Variants in KIF27 observed in about 807,000 individuals in gnomAD.
KIF27 encodes the protein kinesin family member 27.
Under a neutral mutation model 141.8 loss-of-function variants are expected in KIF27, and 84 were observed. The ratio of observed to expected loss-of-function variants is 0.59; its 90% CI spans 0.50 to 0.71. The LOEUF (loss-of-function observed/expected upper bound fraction) is 0.71. Ranked by LOEUF, KIF27 falls within the 30% of genes least tolerant of loss-of-function variation. The pLI, the probability that KIF27 is intolerant of heterozygous loss-of-function variation, is 0.00. For missense variants in KIF27, 1,306 were observed against 1,628.4 expected (o/e 0.80, Z 3.41); for synonymous variants, 471 against 569.5 (o/e 0.83, Z 2.46).
At chr9:83,886,249 G>T (rs560397604) in intron 9 of KIF27, among the ~76,000 whole-genome samples, 5 of 152,090 alleles carry the variant, frequency 3.3e-5, no homozygotes, top group Non-Finnish European at 7.4e-5. Flanking sequence ...TTTCAGAAAG[G>T]TTATCTTACT....
intron 7 of KIF27, 69 bp from the exon 8 acceptor site, chr9:83,888,661 C>T (rs1218770818): frequency 6.9e-6 from 6 of 869,406 alleles, no homozygotes; most frequent in African/African-American, 5.3e-5. Flanking sequence ...TTAGTTTCCC[C>T]GAAAAGTGAA....
chr9:83,909,854 G>C (rs1346376636), intron 2 of KIF27, among the ~76,000 whole-genome samples: 3 of 152,050 alleles, frequency 2.0e-5, no homozygotes, highest in African/African-American at 4.8e-5. Context: ...CTTGAGCTAA[G>C]AAGTTTGAGA....
chr9:83,883,938 C>CA lies in KIF27; in HGVS notation c.2319_2320insT (p.Glu774Ter). The CA allele has an allele frequency of 6.2e-7, 1 of 1,613,544 alleles. No individual in the cohort carries two copies. The highest frequency in any genetic ancestry group is 8.5e-7 in the Non-Finnish European group (1 of 1,179,652). On this transcript the variant is annotated frameshift_variant, in exon 10 of 18. Transcript: ENST00000297814. LOFTEE classifies it high-confidence loss of function. Reference sequence around the variant, plus strand: ...AGCTGCTTTTGTGTTTCAATCAGTTCGACTTTTGCCTGTTCTGCATCATGC... The same window carrying CA: ...AGCTGCTTTTGTGTTTCAATCAGTTCAGACTTTTGCCTGTTCTGCATCATGC...
Position 83,867,740 on chromosome 9 carries a change from C to G in KIF27, c.2878G>C (p.Glu960Gln). The stretch of plus-strand genomic sequence containing the variant: ...TGACTCTTCTCCTGTAACAGAGCCT[C>G]CTTCTTAGAAACTATGGCCTCCCGT... ...KKREAIVSKK[E>Q]ALLQEKSHLE... Residue 960 changes from glutamate to glutamine, a missense_variant, in exon 13 of 18, where the codon GAG (glutamate) becomes CAG (glutamine). By Grantham distance (29) the Glu-to-Gln change is conservative. This residue lies in a region of KIF27 where 596 missense variants were observed against 751.6 expected (regional missense o/e 0.79). Coordinates refer to ENST00000297814, the MANE Select transcript of KIF27 (RefSeq NM_017576.4). 1 of 1,612,974 alleles carries G rather than the reference C, an allele frequency of 6.2e-7. No homozygotes were observed. Among genetic ancestry groups the G allele is most frequent in the Non-Finnish European group, 8.5e-7 (1 of 1,179,622 alleles).
intron 15 of KIF27, among the ~76,000 whole-genome samples, chr9:83,852,517 A>G (rs1221950696): frequency 1.3e-5 from 2 of 152,154 alleles, no homozygotes; most frequent in Non-Finnish European, 2.9e-5. Context: ...CCAAACATGC[A>G]GCAATAGGAT....
Position 83,870,399 on chromosome 9 carries a change from G to T in KIF27, c.2757+120C>A, listed in dbSNP as rs1025100421. On this transcript the variant is annotated intron_variant, in intron 12 of 17. Transcript: ENST00000297814. ...CCAGGCTGGTCTTGAACTCCTGACCGCAGGTGATCCACCCACCTCGGCGTC... is the reference window on the plus strand; with the variant it reads ...CCAGGCTGGTCTTGAACTCCTGACCTCAGGTGATCCACCCACCTCGGCGTC... 2.2e-5 allele frequency: 30 copies of T among 1,392,038 alleles called. No homozygotes were observed. Among genetic ancestry groups the T allele is most frequent in the Non-Finnish European group, 2.9e-5 (30 of 1,027,286 alleles). 86.2% of individuals were successfully genotyped at this position (1,392,038 alleles called of 1,614,324 possible).
chr9:83,902,795 A>T (rs765108773), intron 4 of KIF27, among the ~76,000 whole-genome samples: 1 of 152,124 alleles, frequency 6.6e-6, no homozygotes, highest in East Asian at 1.9e-4. Context: ...GAAGGGTATG[A>T]ATTGTGAGGA....
intron 1 of KIF27, among the ~76,000 whole-genome samples, chr9:83,917,940 C>T (rs1007015889): frequency 2.0e-5 from 3 of 152,152 alleles, no homozygotes; most frequent in Non-Finnish European, 4.4e-5. Flanking sequence ...CCAATTTGAA[C>T]ATTATACATT....
At chr9:83,876,391 C>T (rs374259174) in intron 11 of KIF27, among the ~76,000 whole-genome samples, 13 of 152,266 alleles carry the variant, frequency 8.5e-5, no homozygotes, top group African/African-American at 1.4e-4. Context: ...CTAAAAATTA[C>T]GACATTGCTG....
chr9:83,867,571 T>C (rs1409083537), intron 13 of KIF27, 113 bp downstream of exon 13: 2 of 1,331,738 alleles, frequency 1.5e-6, no homozygotes, highest in East Asian at 5.5e-5. Context: ...AAGGTCCCAA[T>C]TTCTCCACCT....
At chr9:83,868,933 G>A (rs1027422694) in intron 12 of KIF27, among the ~76,000 whole-genome samples, 6 of 152,046 alleles carry the variant, frequency 3.9e-5, no homozygotes, top group Admixed American at 6.5e-5. Context: ...AAGAGAAAGA[G>A]CAACTATAAA....
In KIF27 at chr9:83,835,596, G is replaced by T. The variant is rs141542000; in HGVS notation, c.*1405C>A. On this transcript the variant is annotated 3_prime_UTR_variant, in exon 18 of 18. Transcript: ENST00000297814. ...GACCAAGAAACTCTACTCCCTAGGG[G>T]CTAGCAATGAGAGAAAGGAAGCCTT... The T allele has an allele frequency of 3.3e-5, 5 of 152,214 alleles. No homozygotes were observed. Among genetic ancestry groups the T allele is most frequent in the East Asian group, 1.9e-4 (1 of 5,186 alleles). 9.4% of individuals were successfully genotyped at this position (152,214 alleles called of 1,614,324 possible).
chr9:83,877,628 C>T (rs771548955), intron 11 of KIF27, among the ~76,000 whole-genome samples: 2 of 151,954 alleles, frequency 1.3e-5, no homozygotes, highest in Non-Finnish European at 2.9e-5. Flanking sequence ...CACCAAAAAG[C>T]ACAAGCAACA....
intron 10 of KIF27, among the ~76,000 whole-genome samples, chr9:83,883,380 T>G (rs377080335): frequency 2.2e-3 from 338 of 152,326 alleles, no homozygotes; most frequent in African/African-American, 4.9e-3. Flanking sequence ...AAGTTAAGGA[T>G]GAGTTGCAGT....
At chr9:83,839,816 G>A (rs1343419391) in intron 17 of KIF27, among the ~76,000 whole-genome samples, 18 of 152,242 alleles carry the variant, frequency 1.2e-4, no homozygotes, top group South Asian at 4.2e-4. Flanking sequence ...TGATGGTGGC[G>A]CCTGTAATCC....
chr9:83,860,057 T>G (rs370833698), intron 13 of KIF27: 1 of 152,122 alleles, frequency 6.6e-6, no homozygotes, highest in Non-Finnish European at 1.5e-5. Context: ...TTTAAACATA[T>G]GATTGGTTGG....
intron 13 of KIF27, among the ~76,000 whole-genome samples, chr9:83,863,147 C>T (rs1440204581): frequency 6.6e-6 from 1 of 152,124 alleles, no homozygotes; most frequent in Non-Finnish European, 1.5e-5. Context: ...TTCCTCTTTT[C>T]CTAACTGAAT....
chr9:83,908,934 A>G (rs1432061975), intron 2 of KIF27, among the ~76,000 whole-genome samples: 1 of 152,058 alleles, frequency 6.6e-6, no homozygotes, highest in Admixed American at 6.6e-5. Context: ...TAACTCTTTT[A>G]AACCACAACT....
rs528796605 is a variant in KIF27 at position 83,837,380 on chromosome 9, T to C, written c.3827A>G (p.Glu1276Gly). Residue 1276 changes from glutamate to glycine, a missense_variant, in exon 18 of 18, where the codon GAA (glutamate) becomes GGA (glycine). Glu to Gly is a moderately conservative substitution (Grantham distance 98). Around this residue, in one of 4 missense-constraint regions of KIF27, gnomAD observed 148 missense variants for 250.9 expected, o/e 0.59. Coordinates refer to ENST00000297814, the MANE Select transcript of KIF27 (RefSeq NM_017576.4). ...GCTTGCTGAACTGTCCATTTCTCTT[T>C]CTCTTCCACTTAATTTCATACTTTC... ...RPESMKLSGR[E>G]REMDSSASSL... The C allele has an allele frequency of 6.2e-7, 1 of 1,609,596 alleles. No homozygotes were observed. The highest frequency in any genetic ancestry group is 1.1e-5 in the South Asian group (1 of 90,642).
Sources: allele counts gnomAD v4.1 joint callset (sites outside exome capture counted in the v4.1 genomes callset), GRCh38; gene constraint gnomAD v4.1.1; regional missense constraint gnomAD v4.1.1; transcripts MANE v1.5; gene names NCBI Gene and HGNC (gene_info 2026-07-23, HGNC 2026-07-21).